Variants in MATN4 observed in about 807,000 individuals in gnomAD.
MATN4 encodes matrilin-4.
In MATN4, 40 loss-of-function variants were observed where a neutral mutation model predicts 54.6. The observed-to-expected ratio is 0.73, with a 90% CI of 0.57 to 0.95. The LOEUF is 0.95. MATN4 is among the 40% of genes least tolerant of loss of function. The probability of loss-of-function intolerance (pLI) is 0.00; values close to 1 mark genes in which losing one functional copy is unlikely to be tolerated. For missense variants in MATN4, 810 were observed against 819.1 expected (o/e 0.99, Z 0.13); for synonymous variants, 351 against 345.3 (o/e 1.02, Z -0.18).
intron 3 of MATN4, chr20:45,303,527 A>G (rs1218779577): frequency 1.4e-6 from 1 of 703,278 alleles, no homozygotes; most frequent in African/African-American, 1.8e-5. Context: ...GACACACAGG[A>G]CTAGAATCAG....
rs758330617 is a variant in MATN4, at chr20:45,298,504, C to T, written c.1092G>A (p.Val364=). ...CCACAATCTGGTTCACGAAGCGCTT[C>T]ACTAGCTCGAAGTTTTGTGGACGCA... ...KSVRPQNFEL[V]KRFVNQIVDF... The change falls in exon 7 of 10, where the codon GTG becomes GTA. Residue 364 remains valine, a synonymous_variant. Transcript: ENST00000372756. This position sits in a 1 kb window ranked among gnomAD's most constrained non-coding sequence, Gnocchi z 4.6. The T allele has an allele frequency of 1.6e-5, 26 of 1,612,840 alleles. No individual in the cohort carries two copies. The South Asian group carries it at 2.9e-4, about 18-fold the overall frequency.
chr20:45,304,938 G>T, intron 2 of MATN4, 141 bp from the exon 3 acceptor site: 1 of 567,672 alleles, frequency 1.8e-6, no homozygotes, highest in Non-Finnish European at 3.1e-6. Flanking sequence ...AGATGCACTC[G>T]CCCGGCATGT....
chr20:45,304,687 G>C lies in MATN4; in HGVS notation c.184C>G (p.Arg62Gly). The C allele has an allele frequency of 1.9e-6, 3 of 1,612,710 alleles. No homozygotes were observed. Among genetic ancestry groups the C allele is most frequent in the Non-Finnish European group, 2.5e-6 (3 of 1,179,260 alleles). ...GCGTTGGGACCCACGTTCAGGCCTC[G>C]GAGGAGGCCCATGAGGAACTGCCGC... The part of the protein sequence containing the change: ...TMRQFLMGLL[R>G]GLNVGPNATR... The change falls in exon 3 of 10, where the codon CGA becomes GGA. Residue 62 changes from arginine to glycine, a missense_variant. Transcript: ENST00000372756.
intron 8 of MATN4, 78 bp from the exon 9 acceptor site, chr20:45,294,093 T>C: frequency 1.8e-6 from 2 of 1,091,088 alleles, no homozygotes; most frequent in Non-Finnish European, 2.7e-6. Flanking sequence ...GCACTGGGCC[T>C]ATGGTTGAGT....
At chr20:45,303,685 G>A (rs1213485911) in intron 3 of MATN4, among the ~76,000 whole-genome samples, 3 of 152,194 alleles carry the variant, frequency 2.0e-5, no homozygotes, top group African/African-American at 7.2e-5. Flanking sequence ...GAAAGAATAA[G>A]GCTTAAGGAG....
chr20:45,303,249 TCTTTCTTAGGC>T, intron 3 of MATN4: 1 of 567,554 alleles, frequency 1.8e-6, no homozygotes, highest in Non-Finnish European at 3.3e-6. Context: ...GCAATACCTT[TCTTTCTTAGGC>T]CTGTAAAGTG....
In MATN4 at chr20:45,298,875, C is replaced by A. The variant is rs1464649309; in HGVS notation, c.1013-292G>T. ...TCATAGTAATGACCACAATAACTAC[C>A]ATTTATTGATCATCTACTATGTATC... is the stretch of plus-strand genomic sequence containing the variant. On this transcript the variant is annotated intron_variant, in intron 6 of 9. Transcript: ENST00000372756. This position sits in a 1 kb window ranked among gnomAD's most constrained non-coding sequence, Gnocchi z 4.6. Among the ~76,000 whole-genome samples, 1 of 152,116 alleles carries A rather than the reference C, an allele frequency of 6.6e-6. No individual in the cohort carries two copies. The highest frequency in any genetic ancestry group is 2.4e-5 in the African/African-American group (1 of 41,410).
At chr20:45,303,290 G>T (rs1348340359) in intron 3 of MATN4, 12 of 644,578 alleles carry the variant, frequency 1.9e-5, no homozygotes, top group Non-Finnish European at 2.9e-5. Flanking sequence ...TGCTTTTACT[G>T]CCAAAGGCCC....
rs757254508 is a variant in MATN4 at position 45,304,588 on chromosome 20, C to T, written c.283G>A (p.Glu95Lys). 3.8e-6 allele frequency: 6 copies of T among 1,598,720 alleles called. No individual in the cohort carries two copies. The highest frequency in any genetic ancestry group is 1.3e-5 in the African/African-American group (1 of 74,694). ...TCGCGGATGGCGCGCTCCATGTCCT[C>T]GCGGCGAGAGAACGCGCGGAGAGGG... ...VFPLRAFSRR[E>K]DMERAIRDLV... The change falls in exon 3 of 10, where the codon GAG becomes AAG. Residue 95 changes from glutamate (E) to lysine (K), a missense_variant. Coordinates refer to ENST00000372756, the MANE Select transcript of MATN4 (RefSeq NM_001393530.1).
chr20:45,297,940 G>T lies in MATN4; in HGVS notation c.1557C>A (p.Asn519Lys). The T allele has an allele frequency of 6.2e-7, 1 of 1,614,192 alleles. No individual in the cohort carries two copies. Among genetic ancestry groups the T allele is most frequent in the Non-Finnish European group, 8.5e-7 (1 of 1,180,030 alleles). Residue 519 changes from asparagine to lysine, a missense_variant, in exon 8 of 10, where the codon AAC becomes AAA. Physicochemically the swap from Asn to Lys is moderately conservative, Grantham distance 94. Transcript: ENST00000372756. ...DFGTMTHLLE[N>K]LRGSICPEEG... ...CACCTGGACAGATGCTGCCTCTGAG[G>T]TTCTCCAGCAGGTGCGTCATGGTGC...
At position 45,298,348 on chromosome 20, in the gene MATN4, C is replaced by T. The variant is rs1402193120; in HGVS notation, c.1248G>A (p.Glu416=). 1.2e-6 allele frequency: 2 copies of T among 1,613,350 alleles called. No homozygotes were observed. Among genetic ancestry groups the T allele is most frequent in the Admixed American group, 3.3e-5 (2 of 59,988 alleles). ...AEVKQAVLAV[E]YMERGTMTGL... is the part of the protein sequence containing the mutation. The stretch of plus-strand genomic sequence containing the variant: ...CTGTCATGGTGCCGCGTTCCATGTA[C>T]TCCACGGCCAGGACCGCCTGCTTCA... Residue 416 remains glutamate, a synonymous_variant, in exon 7 of 10, where the codon GAG becomes GAA. Transcript: ENST00000372756. The surrounding 1 kb of genome is among the most constrained non-coding windows in gnomAD (Gnocchi z 4.6).
At position 45,298,000 on chromosome 20, in the gene MATN4, T is replaced by A. The variant is rs892968567; in HGVS notation, c.1497A>T (p.Pro499=). Reference sequence around the variant, plus strand: ...GGGCATAGGACACGTGCAGTTCCGCTGGCTCCGAGGCGATCTCGCGCAGCT... The same window carrying A: ...GGGCATAGGACACGTGCAGTTCCGCAGGCTCCGAGGCGATCTCGCGCAGCT... The part of the protein sequence containing the change: ...EAELREIASE[P]AELHVSYAPD... The change falls in exon 8 of 10, where the codon CCA becomes CCT. Residue 499 remains proline (P), a synonymous_variant. Transcript: ENST00000372756. 1 of 1,614,002 alleles carries A rather than the reference T, an allele frequency of 6.2e-7. No homozygotes were observed. The highest frequency in any genetic ancestry group is 1.3e-5 in the African/African-American group (1 of 74,924).
chr20:45,298,183 G>C lies in MATN4; in HGVS notation c.1413C>G (p.Arg471=). The C allele has an allele frequency of 6.3e-7, 1 of 1,597,614 alleles. No individual in the cohort carries two copies. Among genetic ancestry groups the C allele is most frequent in the Non-Finnish European group, 8.6e-7 (1 of 1,168,378 alleles). Residue 471 remains arginine (R), a synonymous_variant, in exon 7 of 10, where the codon CGC becomes CGG. Transcript: ENST00000372756. The surrounding 1 kb of genome is among the most constrained non-coding windows in gnomAD (Gnocchi z 4.6). ...TGCCAAGCCCACCTTCCTCCTTGGC[G>C]CGCGCTGCCCACACCGAGATGTCAT... ...SQDDISVWAA[R]AKEEGIVMYA...
intron 1 of MATN4, among the ~76,000 whole-genome samples, 189 bp from the exon 2 acceptor site, chr20:45,305,805 C>CTTTTTTTTTATTTTTTTTTTT (rs1986597996): frequency 1.5e-5 from 1 of 64,676 alleles, no homozygotes; most frequent in Non-Finnish European, 2.6e-5. Context: ...ACAAGAGATT[C>CTTTTTTTTTATTTTTTTTTTT]TTTTTTTTTT....
Position 45,296,947 on chromosome 20 carries a change from C to T in MATN4, c.1579+971G>A, listed in dbSNP as rs60950520. Reference sequence around the variant, plus strand: ...CTCGGCTCACTGCAACCTCCACCTCCCAGGTTCAAGCAATTCTCCTGCCTC... The same window carrying T: ...CTCGGCTCACTGCAACCTCCACCTCTCAGGTTCAAGCAATTCTCCTGCCTC... On this transcript the variant is annotated intron_variant, in intron 8 of 9. Transcript: ENST00000372756. Among the ~76,000 whole-genome samples, 1,244 of 151,980 alleles carry T rather than the reference C, an allele frequency of 8.2e-3. 16 individuals carry two copies. The highest frequency in any genetic ancestry group is 0.028 in the African/African-American group (1,153 of 41,450).
intron 1 of MATN4, 95 bp downstream of exon 1, chr20:45,308,080 C>G (rs1181570317): frequency 2.5e-6 from 3 of 1,200,982 alleles, no homozygotes; most frequent in East Asian, 4.7e-5. Context: ...GATAGGGCAC[C>G]CTAGGCAGCG....
At chr20:45,299,037 G>A (rs1361554354) in intron 6 of MATN4, among the ~76,000 whole-genome samples, 1 of 152,106 alleles carries the variant, frequency 6.6e-6, no homozygotes, top group Admixed American at 6.6e-5. Flanking sequence ...CTTGAATATT[G>A]TCCCCATTTT....
At position 45,301,351 on chromosome 20, in the gene MATN4, C is replaced by T. The variant is rs1257132329; in HGVS notation, c.736G>A (p.Val246Ile). The change falls in exon 4 of 10, where the codon GTA becomes ATA. Residue 246 changes from valine (V) to isoleucine (I), a missense_variant. Coordinates refer to ENST00000372756, the MANE Select transcript of MATN4 (RefSeq NM_001393530.1). ...CAGCTCCTCTGGTCCTGCTGGAGTA[C>T]AAAGCCAACTTGGCAGTGACAGAAA... ...SYFCHCQVGF[V>I]LQQDQRSCRA... 1 of 1,614,190 alleles carries T rather than the reference C, an allele frequency of 6.2e-7. No individual in the cohort carries two copies. Among genetic ancestry groups the T allele is most frequent in the Non-Finnish European group, 8.5e-7 (1 of 1,180,046 alleles).
rs1417775705 is a variant in MATN4, at chr20:45,301,398, C to A, written c.689G>T (p.Cys230Phe). Residue 230 changes from cysteine to phenylalanine, a missense_variant, in exon 4 of 10, where the codon TGC (cysteine) becomes TTC (phenylalanine). By Grantham distance (205) the Cys-to-Phe change is radical. Coordinates refer to ENST00000372756, the MANE Select transcript of MATN4 (RefSeq NM_001393530.1). ...AEGTHGCEHH[C>F]VNSPGSYFCH... ...GAAATAGGAGCCTGGGGAATTGACG[C>A]AGTGGTGCTCACATCCATGGGTCCC... 6.2e-7 allele frequency: 1 copy of A among 1,613,838 alleles called. No homozygotes were observed. The highest frequency in any genetic ancestry group is 8.5e-7 in the Non-Finnish European group (1 of 1,179,874).
Sources: gnomAD v4.1 joint callset for allele counts (sites outside exome capture counted in the v4.1 genomes callset) on GRCh38, gnomAD v4.1.1 for gene constraint, Gnocchi (gnomAD v3.1) non-coding constraint, MANE v1.5 for transcripts, NCBI Gene and HGNC (gene_info 2026-07-23, HGNC 2026-07-21) for gene names.